Variants in MUC4 observed in about 807,000 individuals in gnomAD.
The protein encoded by MUC4 is mucin 4, cell surface associated, also known as mucin-4.
MUC4 carries 202 observed loss-of-function variants against 257.9 expected under a neutral mutation model. The observed-to-expected ratio is 0.78, with a 90% CI of 0.70 to 0.88. The LOEUF (loss-of-function observed/expected upper bound fraction) is 0.88. MUC4 is among the 40% of genes least tolerant of loss of function. The pLI, the probability that MUC4 is intolerant of heterozygous loss-of-function variation, is 0.00. For missense variants in MUC4, 5,976 were observed against 6,513.7 expected (o/e 0.92, Z 2.84); for synonymous variants, 2,351 against 2,757.1 (o/e 0.85, Z 4.62).
chr3:195,790,128 T>C lies in MUC4; in HGVS notation c.1452A>G (p.Glu484=), dbSNP rs773545507. Residue 484 remains glutamate (E), a synonymous_variant, in exon 2 of 25, where the codon GAA becomes GAG. Transcript: ENST00000463781. ...AGAATGAGGAAGGCCATGTTGTTGT[T>C]TCATGTAGAGTAAATATTTCTTGAG... ...GVSQEIFTLH[E]TTTWPSSFSS... 6.2e-7 allele frequency: 1 copy of C among 1,614,026 alleles called. No homozygotes were observed. Among genetic ancestry groups the C allele is most frequent in the Admixed American group, 1.7e-5 (1 of 60,018 alleles).
rs999332350 is a variant in MUC4 at position 195,752,279 on chromosome 3, GA to G, written c.15582+93del. ...CTCCTCTGGCAGTTGAATCCAGATG[GA>G]TGACAAGATGAAGGCCGCACAGCGA... On this transcript the variant is annotated intron_variant, in intron 21 of 24. Transcript: ENST00000463781. 78 of 1,183,170 alleles carry G rather than the reference GA, an allele frequency of 6.6e-5. No homozygotes were observed. The South Asian group carries it at 9.3e-4, about 14-fold the overall frequency. The allele number at this position is 1,183,170 out of a possible 1,614,324, so 73.3% of individuals were successfully genotyped here. A position where few individuals can be genotyped will look rare whatever the true frequency, so the allele number is the denominator to read the frequency against.
At chr3:195,767,654 CCACCACCACCAT>C (rs1431746161) in intron 7 of MUC4, among the ~76,000 whole-genome samples, 1,371 of 88,160 alleles carry the variant, frequency 0.016, 192 homozygotes, top group African/African-American at 0.099. Context: ...GCCACCACCA[CCACCACCACCAT>C]CACCATCACC....
chr3:195,774,247 G>A lies in MUC4; in HGVS notation c.13002C>T (p.Thr4334=), dbSNP rs150632976. The A allele has an allele frequency of 1.1e-5, 18 of 1,602,536 alleles. No individual in the cohort carries two copies. The highest frequency in any genetic ancestry group is 1.7e-5 in the Admixed American group (1 of 57,990). Residue 4334 remains threonine (T), a synonymous_variant, in exon 4 of 25, where the codon ACC becomes ACT. Transcript: ENST00000463781. The part of the protein sequence containing the change: ...GAGDLEFVRR[T]VDFTSPLFKP... ...TGAAGAGTGGGGAGGTGAAGTCCACGGTCCTCCTGACGAACTCCAGGTCCC... is the reference window on the plus strand; with the variant it reads ...TGAAGAGTGGGGAGGTGAAGTCCACAGTCCTCCTGACGAACTCCAGGTCCC...
chr3:195,788,250 A>C lies in MUC4; in HGVS notation c.3330T>G (p.Thr1110=). 1 of 1,474,078 alleles carries C rather than the reference A, an allele frequency of 6.8e-7. No homozygotes were observed. The highest frequency in any genetic ancestry group is 2.1e-5 in the Admixed American group (1 of 48,526). 91.3% of individuals were successfully genotyped at this position (1,474,078 alleles called of 1,614,324 possible). A position where few individuals can be genotyped will look rare whatever the true frequency, so the allele number is the denominator to read the frequency against. ...TGGTGTGACCTGTGGATACTGAGGA[A>C]GTGTCGGTGACAGGAAGAGAGGTGG... ...GHATSLPVTD[T]SSVSTGHTTP... Residue 1110 remains threonine (T), a synonymous_variant, in exon 2 of 25, where the codon ACT becomes ACG. Coordinates refer to ENST00000463781, the MANE Select transcript of MUC4 (RefSeq NM_018406.7).
At position 195,766,758 on chromosome 3, in the gene MUC4, G is replaced by A; in HGVS notation, c.13530-7C>T. ...TTCGAAATAGCCATCTCCACTGCAG[G>A]AAAGGAGAGACTCTCAGGCCTCTGC... On this transcript the variant is annotated splice_region_variant and splice_polypyrimidine_tract_variant and intron_variant, in intron 7 of 24. Coordinates refer to ENST00000463781, the MANE Select transcript of MUC4 (RefSeq NM_018406.7). 6.2e-7 allele frequency: 1 copy of A among 1,613,602 alleles called. No homozygotes were observed. Among genetic ancestry groups the A allele is most frequent in the South Asian group, 1.1e-5 (1 of 91,058 alleles).
Position 195,778,302 on chromosome 3 carries a change from C to T in MUC4, c.12943+1G>A, listed in dbSNP as rs746481300. On this transcript the variant is annotated splice_donor_variant, in intron 3 of 24. Coordinates refer to ENST00000463781, the MANE Select transcript of MUC4 (RefSeq NM_018406.7). LOFTEE classifies it high-confidence loss of function. ...CACAGGCCTCACCTGTATGGCCTCA[C>T]CTCTCTCAGGCAGGATGGGGATGGG... 9.3e-6 allele frequency: 15 copies of T among 1,607,836 alleles called. No individual in the cohort carries two copies. The highest frequency in any genetic ancestry group is 1.3e-5 in the African/African-American group (1 of 74,690).
At chr3:195,765,576 A>ATT (rs1720281211) in intron 8 of MUC4, 127 bp from the exon 9 acceptor site, 5 of 926,700 alleles carry the variant, frequency 5.4e-6, no homozygotes, top group Non-Finnish European at 7.9e-6. Context: ...TTTGGACCCA[A>ATT]GTCAGATGGG....
intron 24 of MUC4, 103 bp from the exon 25 acceptor site, chr3:195,747,483 C>G (rs1715280078): frequency 1.5e-6 from 2 of 1,304,420 alleles, no homozygotes; most frequent in East Asian, 2.5e-5. Context: ...AGAGGCTGGG[C>G]TCGCCCCACT....
intron 1 of MUC4, among the ~76,000 whole-genome samples, chr3:195,802,627 C>T (rs953880535): frequency 6.6e-6 from 1 of 152,110 alleles, no homozygotes; most frequent in Non-Finnish European, 1.5e-5. Context: ...ACTGGCATTG[C>T]CATTGTGACA....
rs1355071540 is a variant in MUC4 at position 195,779,521 on chromosome 3, G to C, written c.12059C>G (p.Thr4020Ser). The C allele has an allele frequency of 4.0e-6, 5 of 1,248,428 alleles. No individual in the cohort carries two copies. Among genetic ancestry groups the C allele is most frequent in the Middle Eastern group, 2.6e-4 (1 of 3,876 alleles). 77.3% of individuals were successfully genotyped at this position (1,248,428 alleles called of 1,614,324 possible). A position where few individuals can be genotyped will look rare whatever the true frequency, so the allele number is the denominator to read the frequency against. ...STGHATPLPV[T>S]SPSSASTGHA... ...ACCTGTGGATGCTGAGGAAGGGCTG[G>C]TGACAGGAAGAGGGGTGGCGTGACC... is the stretch of plus-strand genomic sequence containing the variant. Residue 4020 changes from threonine to serine, a missense_variant, in exon 2 of 25, where the codon ACC becomes AGC. By Grantham distance (58) the Thr-to-Ser change is moderately conservative. This residue lies in a region of MUC4 where 293 missense variants were observed against 294.5 expected (regional missense o/e 1.00). Coordinates refer to ENST00000463781, the MANE Select transcript of MUC4 (RefSeq NM_018406.7).
At chr3:195,772,444 C>T (rs1218703793) in intron 4 of MUC4, among the ~76,000 whole-genome samples, 1 of 139,824 alleles carries the variant, frequency 7.2e-6, no homozygotes, top group Non-Finnish European at 1.5e-5. Context: ...CTCCCTCCAT[C>T]GCTCAGGGGT....
chr3:195,764,979 G>A lies in MUC4; in HGVS notation c.13924+18C>T, dbSNP rs900459807. 3.7e-6 allele frequency: 6 copies of A among 1,612,124 alleles called. No homozygotes were observed. The African/African-American group carries it at 4.0e-5, about 11-fold the overall frequency. On this transcript the variant is annotated intron_variant, in intron 10 of 24. Transcript: ENST00000463781. ...TACTTGGCCGGGAAGGTGGGGTTGA[G>A]ATCACGGACTCACGCACCCAACTGC...
chr3:195,770,076 G>A, intron 6 of MUC4, 140 bp downstream of exon 6: 1 of 878,248 alleles, frequency 1.1e-6, no homozygotes, highest in South Asian at 2.1e-5. Flanking sequence ...TGGCAGTGGG[G>A]GGGTGGCGGT....
rs754488846 is a variant in MUC4, at chr3:195,780,439, G to C, written c.11141C>G (p.Pro3714Arg). ...SSSSGHTTPL[P>R]VTSTSSVSTG... ...AGATACTGAGGAAGTGCTGGTGACA[G>C]GAAGAGGGGTGGTGTGACCTGAGGA... The change falls in exon 2 of 25, where the codon CCT (proline) becomes CGT (arginine). Residue 3714 changes from proline (P) to arginine (R), a missense_variant. Pro to Arg is a moderately radical substitution (Grantham distance 103). Coordinates refer to ENST00000463781, the MANE Select transcript of MUC4 (RefSeq NM_018406.7). 8 of 1,534,854 alleles carry C rather than the reference G, an allele frequency of 5.2e-6. No individual in the cohort carries two copies. Among genetic ancestry groups the C allele is most frequent in the Non-Finnish European group, 7.0e-6 (8 of 1,143,144 alleles).
chr3:195,789,182 C>T lies in MUC4; in HGVS notation c.2398G>A (p.Ala800Thr). Residue 800 changes from alanine to threonine, a missense_variant, in exon 2 of 25, where the codon GCG becomes ACG. Physicochemically the swap from Ala to Thr is moderately conservative, Grantham distance 58 (BLOSUM62 0). Around this residue, in one of 44 missense-constraint regions of MUC4, gnomAD observed 1,583 missense variants for 1,257.4 expected, o/e 1.26. Transcript: ENST00000463781. ...GATGAGGAAGGGGTAGCTGTGCCCGCTGAGGTGGTTCGTGACCCTGAGGAG... is the reference window on the plus strand; with the variant it reads ...GATGAGGAAGGGGTAGCTGTGCCCGTTGAGGTGGTTCGTGACCCTGAGGAG... ...PASSGSRTTS[A>T]GTATPSSSGA... 1.2e-6 allele frequency: 2 copies of T among 1,613,818 alleles called. No homozygotes were observed. The highest frequency in any genetic ancestry group is 1.7e-6 in the Non-Finnish European group (2 of 1,179,854).
chr3:195,757,463 T>G lies in MUC4; in HGVS notation c.14987-135A>C. 1.2e-6 allele frequency: 1 copy of G among 828,790 alleles called. No individual in the cohort carries two copies. The highest frequency in any genetic ancestry group is 1.9e-6 in the Non-Finnish European group (1 of 537,144). 51.3% of individuals were successfully genotyped at this position (828,790 alleles called of 1,614,324 possible). A position where few individuals can be genotyped will look rare whatever the true frequency, so the allele number is the denominator to read the frequency against. On this transcript the variant is annotated intron_variant, in intron 17 of 24. Coordinates refer to ENST00000463781, the MANE Select transcript of MUC4 (RefSeq NM_018406.7). This position sits in a 1 kb window ranked among gnomAD's most constrained non-coding sequence, Gnocchi z 4.8. ...CAGACAAATCTCATTGGTCATTTCC[T>G]TTGAGCAAGGCTGGTATCGGGGGTG...
chr3:195,749,202 G>A (rs1223234966), intron 23 of MUC4, 138 bp from the exon 24 acceptor site: 9 of 1,085,018 alleles, frequency 8.3e-6, no homozygotes, highest in East Asian at 5.5e-5. Context: ...GCCCCTGGAC[G>A]TTCAGATCAG....
chr3:195,778,179 G>T, intron 3 of MUC4, 124 bp downstream of exon 3: 2 of 1,284,262 alleles, frequency 1.6e-6, no homozygotes, highest in Non-Finnish European at 2.1e-6. Context: ...CTCCGATGCT[G>T]TGTCCCTGTC....
chr3:195,763,315 C>A, intron 12 of MUC4, 118 bp downstream of exon 12: 1 of 1,049,990 alleles, frequency 9.5e-7, no homozygotes, highest in Non-Finnish European at 1.3e-6. Flanking sequence ...GGGCTGTGTC[C>A]TCCCTCCCTC....
Sources: allele counts gnomAD v4.1 joint callset (sites outside exome capture counted in the v4.1 genomes callset), GRCh38; gene constraint gnomAD v4.1.1; regional missense constraint gnomAD v4.1.1; non-coding constraint Gnocchi (gnomAD v3.1); transcripts MANE v1.5; gene names NCBI Gene and HGNC (gene_info 2026-07-23, HGNC 2026-07-21).